Variants in DNM2 observed in about 807,000 individuals in gnomAD.
The protein encoded by DNM2 is dynamin-2.
Under a neutral mutation model 99.0 loss-of-function variants are expected in DNM2, and 15 were observed. That is an observed-to-expected ratio of 0.15 (90% CI 0.10 to 0.23). The LOEUF (loss-of-function observed/expected upper bound fraction) is 0.23, where lower values mean the gene tolerates loss of function less well. Among genes scored for constraint, DNM2 ranks in the 10% least tolerant of loss-of-function variants. The pLI is 1.00. For missense variants in DNM2, 742 were observed against 1,189.4 expected (o/e 0.62, Z 5.53); for synonymous variants, 525 against 481.2 (o/e 1.09, Z -1.19).
At chr19:10,808,467 C>T in intron 13 of DNM2, 102 bp from the exon 14 acceptor site, 2 of 1,344,676 alleles carry the variant, frequency 1.5e-6, no homozygotes, top group Non-Finnish European at 1.0e-6. Context: ...TGTTTTTGTG[C>T]TTTTCCTGCT....
At chr19:10,747,333 A>G (rs747062073) in intron 1 of DNM2, among the ~76,000 whole-genome samples, 17 of 152,128 alleles carry the variant, frequency 1.1e-4, no homozygotes, top group Admixed American at 7.2e-4. Context: ...CTTGTCCAGA[A>G]AGGAAATACT....
intron 13 of DNM2, among the ~76,000 whole-genome samples, chr19:10,807,635 G>A (rs1408764118): frequency 3.2e-5 from 4 of 124,286 alleles, no homozygotes; most frequent in East Asian, 5.5e-4. Flanking sequence ...CACAACCTCC[G>A]CCTCCTAGCT....
chr19:10,794,975 A>G (rs1440653740), intron 8 of DNM2, among the ~76,000 whole-genome samples: 1 of 151,972 alleles, frequency 6.6e-6, no homozygotes, highest in African/African-American at 2.4e-5. Flanking sequence ...GCTGGAGTGC[A>G]GTGGTGCAAT....
At chr19:10,785,504 C>T (rs2071530112) in intron 6 of DNM2, among the ~76,000 whole-genome samples, 1 of 152,184 alleles carries the variant, frequency 6.6e-6, no homozygotes, top group African/African-American at 2.4e-5. Context: ...AAACACGGCT[C>T]ATTGCATCCT....
chr19:10,740,619 A>T (rs575366151), intron 1 of DNM2, among the ~76,000 whole-genome samples: 1 of 152,190 alleles, frequency 6.6e-6, no homozygotes, highest in African/African-American at 2.4e-5. Context: ...CAGGTGATCC[A>T]CCCACCTCGG....
chr19:10,831,061 C>A lies in DNM2; in HGVS notation c.*14C>A. 1 of 1,593,276 alleles carries A rather than the reference C, an allele frequency of 6.3e-7. No homozygotes were observed. On this transcript the variant is annotated 3_prime_UTR_variant, in exon 21 of 21. Coordinates refer to ENST00000389253, the MANE Select transcript of DNM2 (RefSeq NM_001005361.3). The surrounding 1 kb of genome is among the most constrained non-coding windows in gnomAD (Gnocchi z 4.3). ...CTGCTCGACTAGGCCTCGAGGGGGG[C>A]GTGCTCTCGGGGGGGCCTCACGCAC...
Position 10,759,687 on chromosome 19 carries a change from C to A in DNM2, c.162-51C>A. 1.9e-6 allele frequency: 3 copies of A among 1,610,036 alleles called. No homozygotes were observed. The South Asian group carries it at 3.3e-5, about 18-fold the overall frequency. ...CCACCACATGTGGTCACACTTCCTG[C>A]CCCTCGATCCGGACGCAAGAGTAAT... On this transcript the variant is annotated intron_variant, in intron 1 of 20. Coordinates refer to ENST00000389253, the MANE Select transcript of DNM2 (RefSeq NM_001005361.3).
chr19:10,789,085 C>A lies in DNM2; in HGVS notation c.992+2379C>A, dbSNP rs1473492675. Among the ~76,000 whole-genome samples, 5 of 152,192 alleles carry A rather than the reference C, an allele frequency of 3.3e-5. No individual in the cohort carries two copies. The South Asian group carries it at 8.3e-4, about 25-fold the overall frequency. ...TGGTGGTGCACCCCTGTAATTCTAG[C>A]TACTTGGGAGGCTGAGGCAGGAGAA... On this transcript the variant is annotated intron_variant, in intron 7 of 20. Coordinates refer to ENST00000389253, the MANE Select transcript of DNM2 (RefSeq NM_001005361.3).
At chr19:10,735,529 A>G (rs977059172) in intron 1 of DNM2, among the ~76,000 whole-genome samples, 3 of 151,176 alleles carry the variant, frequency 2.0e-5, no homozygotes, top group Admixed American at 6.6e-5. Context: ...TTTTTATTTT[A>G]TTTTTGGAGA....
At chr19:10,762,542 T>A (rs2070668100) in intron 2 of DNM2, among the ~76,000 whole-genome samples, 1 of 152,100 alleles carries the variant, frequency 6.6e-6, no homozygotes, top group African/African-American at 2.4e-5. Flanking sequence ...ACACGTTATT[T>A]ACTACATGTC....
At chr19:10,731,690 A>G (rs887334197) in intron 1 of DNM2, among the ~76,000 whole-genome samples, 2 of 152,138 alleles carry the variant, frequency 1.3e-5, no homozygotes, top group Non-Finnish European at 2.9e-5. Context: ...ATCAGGGGAC[A>G]GTGACTGAGA....
At chr19:10,813,113 G>A (rs900216238) in intron 15 of DNM2, among the ~76,000 whole-genome samples, 9 of 152,206 alleles carry the variant, frequency 5.9e-5, no homozygotes, top group Non-Finnish European at 1.3e-4. Flanking sequence ...TTCTATCTGC[G>A]AAGTGGTCTA....
At position 10,764,175 on chromosome 19, in the gene DNM2, G is replaced by C. The variant is rs1288161110; in HGVS notation, c.235+4364G>C. 6.6e-6 allele frequency among the ~76,000 whole-genome samples: 1 copy of C among 152,140 alleles called. No homozygotes were observed. The highest frequency in any genetic ancestry group is 1.5e-5 in the Non-Finnish European group (1 of 68,010). Reference sequence around the variant, plus strand: ...CTGTGACCAAACTCAGAACCAGGCTGCCACCCTTTACTGGCCCGGGACTTG... The same window carrying C: ...CTGTGACCAAACTCAGAACCAGGCTCCCACCCTTTACTGGCCCGGGACTTG... On this transcript the variant is annotated intron_variant, in intron 2 of 20. Coordinates refer to ENST00000389253, the MANE Select transcript of DNM2 (RefSeq NM_001005361.3). This position sits in a 1 kb window ranked among gnomAD's most constrained non-coding sequence, Gnocchi z 4.1.
chr19:10,743,683 G>A (rs989530278), intron 1 of DNM2, among the ~76,000 whole-genome samples: 2 of 151,908 alleles, frequency 1.3e-5, no homozygotes, highest in East Asian at 1.9e-4. Flanking sequence ...GGTGGCGGGT[G>A]CTTGTAGTCC....
intron 5 of DNM2, 122 bp from the exon 6 acceptor site, chr19:10,782,838 A>G (rs764989894): frequency 1.5e-6 from 2 of 1,351,792 alleles, no homozygotes; most frequent in Admixed American, 3.4e-5. Flanking sequence ...GTAACATGTT[A>G]TGACAGCTGT....
At chr19:10,750,648 A>G (rs2070159305) in intron 1 of DNM2, among the ~76,000 whole-genome samples, 1 of 152,086 alleles carries the variant, frequency 6.6e-6, no homozygotes. Flanking sequence ...AAAATAAATA[A>G]GGCCGGGCGC....
chr19:10,814,700 C>T (rs547128672), intron 15 of DNM2, among the ~76,000 whole-genome samples: 3 of 152,188 alleles, frequency 2.0e-5, no homozygotes, highest in East Asian at 1.9e-4. Context: ...TTAGCTCCCA[C>T]GTATGAGTGA....
At chr19:10,752,761 A>G (rs979717413) in intron 1 of DNM2, among the ~76,000 whole-genome samples, 1 of 152,186 alleles carries the variant, frequency 6.6e-6, no homozygotes, top group Non-Finnish European at 1.5e-5. Context: ...TGTCATGGTT[A>G]AATGGGTTAA....
At chr19:10,829,736 CATGGAGTTCCTTAAGGGGAGGAT>C (rs2073268718) in intron 19 of DNM2, among the ~76,000 whole-genome samples, 1 of 152,122 alleles carries the variant, frequency 6.6e-6, no homozygotes, top group Admixed American at 6.5e-5. Flanking sequence ...CTGGGGGAGC[CATGGAGTTCCTTAAGGGGAGGAT>C]ATCGCACCCA....
Sources: allele counts gnomAD v4.1 joint callset (sites outside exome capture counted in the v4.1 genomes callset), GRCh38; gene constraint gnomAD v4.1.1; non-coding constraint Gnocchi (gnomAD v3.1); transcripts MANE v1.5; gene names NCBI Gene and HGNC (gene_info 2026-07-23, HGNC 2026-07-21).